The following ACOT1 variants were observed in gnomAD, a reference collection of about 807,000 sequenced individuals.
ACOT1 encodes the protein acyl-CoA thioesterase 1.
Under a neutral mutation model 15.7 loss-of-function variants are expected in ACOT1, and 8 were observed. That is an observed-to-expected ratio of 0.51 (90% CI 0.30 to 0.92). The LOEUF (loss-of-function observed/expected upper bound fraction) is 0.92, where lower values mean the gene tolerates loss of function less well. Ranked by LOEUF, ACOT1 falls within the 40% of genes least tolerant of loss-of-function variation. The pLI, the probability that ACOT1 is intolerant of heterozygous loss-of-function variation, is 0.06. For missense variants in ACOT1, 151 were observed against 539.4 expected, an observed-to-expected ratio of 0.28 and a Z score of 7.13; for synonymous variants, 67 against 241.2, an observed-to-expected ratio of 0.28 and a Z score of 6.69.
the ACOT1 span, chr14:73,492,244 C>T: frequency 6.2e-7 from 1 of 1,614,036 alleles, no homozygotes; most frequent in South Asian, 1.1e-5. This position sits in a 1 kb window ranked among gnomAD's most constrained non-coding sequence, Gnocchi z 4.9. Flanking sequence ...AAGCTGAATG[C>T]CAGGATGGAG....
chr14:73,532,416 A>C (rs1162312357), upstream of ACOT1, among the ~76,000 whole-genome samples: 2 of 116,410 alleles, frequency 1.7e-5, 1 homozygote, highest in African/African-American at 5.6e-5. Context: ...ACAGATACAG[A>C]AATTCTGATC....
At chr14:73,502,638 C>A in the ACOT1 span, among the ~76,000 whole-genome samples, 721 of 152,228 alleles carry the variant, frequency 4.7e-3, 9 homozygotes, top group African/African-American at 0.017. Flanking sequence ...ACCTCCGCCT[C>A]CCAGGTTCAA....
chr14:73,495,049 GAAAC>G, the ACOT1 span, among the ~76,000 whole-genome samples: 325 of 100,510 alleles, frequency 3.2e-3, 2 homozygotes, highest in African/African-American at 0.012. Flanking sequence ...AAAAACCCGA[GAAAC>G]AAACAAACAA....
chr14:73,520,698 C>T, the ACOT1 span: 2 of 670,060 alleles, frequency 3.0e-6, no homozygotes, highest in East Asian at 2.6e-5. Flanking sequence ...GACCCAACTC[C>T]TGTGCTAGTG....
At chr14:73,534,234 C>T (rs1383298669), upstream of ACOT1, among the ~76,000 whole-genome samples, 2 of 111,524 alleles carry the variant, frequency 1.8e-5, no homozygotes, top group Non-Finnish European at 3.9e-5. Context: ...CAAAAATCAG[C>T]TGGCCGTGGT....
At chr14:73,518,941 A>G in the ACOT1 span, 2 of 1,406,210 alleles carry the variant, frequency 1.4e-6, no homozygotes, top group Non-Finnish European at 1.9e-6. Context: ...TGGGAGCTCT[A>G]GCACATGAAT....
chr14:73,505,961 G>A, the ACOT1 span, among the ~76,000 whole-genome samples: 2 of 147,292 alleles, frequency 1.4e-5, no homozygotes, highest in Non-Finnish European at 3.0e-5. Flanking sequence ...TGAGATCTTG[G>A]TTCACTGCAA....
the ACOT1 span, among the ~76,000 whole-genome samples, chr14:73,517,081 G>A: frequency 6.6e-6 from 1 of 152,094 alleles, no homozygotes; most frequent in African/African-American, 2.4e-5. Flanking sequence ...AGGAGTTCGA[G>A]ACCAGTCTGG....
At chr14:73,500,532 T>A in the ACOT1 span, 5 of 1,609,184 alleles carry the variant, frequency 3.1e-6, no homozygotes, top group Non-Finnish European at 4.2e-6. Context: ...AAGATGAGAA[T>A]ATGTTTCCCT....
At chr14:73,522,847 G>T in the ACOT1 span, 3 of 1,614,226 alleles carry the variant, frequency 1.9e-6, no homozygotes, top group Non-Finnish European at 2.5e-6. Flanking sequence ...GAGTATGGAT[G>T]ATGTCATTGG....
At chr14:73,492,353 G>A in the ACOT1 span, 4 of 1,613,930 alleles carry the variant, frequency 2.5e-6, no homozygotes, top group South Asian at 2.2e-5. The surrounding 1 kb of genome is among the most constrained non-coding windows in gnomAD (Gnocchi z 4.9). Context: ...TGCAATGGAA[G>A]AAAATGTGGA....
the ACOT1 span, among the ~76,000 whole-genome samples, chr14:73,505,865 C>T: frequency 1.4e-5 from 2 of 147,996 alleles, no homozygotes; most frequent in African/African-American, 5.0e-5. Context: ...GATATTGAGG[C>T]AATATCAAAT....
the ACOT1 span, among the ~76,000 whole-genome samples, chr14:73,507,454 G>A: frequency 6.6e-6 from 1 of 151,996 alleles, no homozygotes; most frequent in African/African-American, 2.4e-5. Context: ...AATTTTTTGA[G>A]GCAGGGTCTT....
chr14:73,539,300 C>T (rs116488414), intron 1 of ACOT1: 5,623 of 116,730 alleles, frequency 0.048, 1,446 homozygotes, highest in African/African-American at 0.15. Flanking sequence ...CCTCCCTGTG[C>T]ATGGCAGGAC....
In ACOT1 at chr14:73,543,578, G is replaced by C. The variant is rs761380592; in HGVS notation, c.1189G>C (p.Asp397His). The C allele has an allele frequency of 9.7e-6, 7 of 718,446 alleles. 1 individual carries two copies. Among genetic ancestry groups the C allele is most frequent in the Non-Finnish European group, 2.1e-6 (1 of 477,898 alleles). The allele number at this position is 718,446 out of a possible 1,614,324, so 44.5% of individuals were successfully genotyped here. The change falls in exon 3 of 3, where the codon GAT becomes CAT. Residue 397 changes from aspartate (D) to histidine (H), a missense_variant. Transcript: ENST00000311148. ...CAGGGCTCATGCCATGGCTCAGGTG[G>C]ATGCTTGGAAACAACTCCAGACTTT... ...EPRAHAMAQV[D>H]AWKQLQTFFH...
At chr14:73,506,810 T>G in the ACOT1 span, among the ~76,000 whole-genome samples, 6 of 133,038 alleles carry the variant, frequency 4.5e-5, no homozygotes, top group Non-Finnish European at 7.9e-5. Flanking sequence ...AACTGTTTTT[T>G]TTTTTTTTTT....
chr14:73,517,720 G>T, the ACOT1 span, among the ~76,000 whole-genome samples: 1 of 150,382 alleles, frequency 6.6e-6, no homozygotes, highest in African/African-American at 2.4e-5. Context: ...AGGGGAAGGG[G>T]GAAGAGAGGA....
chr14:73,506,661 T>A, the ACOT1 span: 5 of 936,686 alleles, frequency 5.3e-6, no homozygotes, highest in Admixed American at 5.5e-5. Context: ...GCATCCTGCA[T>A]AATTAATGTC....
At chr14:73,496,411 A>G in the ACOT1 span, among the ~76,000 whole-genome samples, 1 of 152,204 alleles carries the variant, frequency 6.6e-6, no homozygotes, top group South Asian at 2.1e-4. Context: ...TGTCTTTACT[A>G]GTAGGACCTT....
Sources: gnomAD v4.1 joint callset for allele counts (sites outside exome capture counted in the v4.1 genomes callset) on GRCh38, gnomAD v4.1.1 for gene constraint, Gnocchi (gnomAD v3.1) non-coding constraint, MANE v1.5 for transcripts, NCBI Gene and HGNC (gene_info 2026-07-23, HGNC 2026-07-21) for gene names.